The following PCDHGA3 variants were observed in gnomAD, a reference collection of about 807,000 sequenced individuals.
PCDHGA3 encodes the protein protocadherin gamma subfamily A, 3, also known as protocadherin gamma-A3.
In PCDHGA3, 40 loss-of-function variants were observed where a neutral mutation model predicts 58.5. That is an observed-to-expected ratio of 0.68 (90% confidence interval 0.53 to 0.89). The LOEUF (loss-of-function observed/expected upper bound fraction) is 0.89, where lower values mean the gene tolerates loss of function less well. PCDHGA3 is among the 40% of genes least tolerant of loss of function. The pLI, the probability that PCDHGA3 is intolerant of heterozygous loss-of-function variation, is 0.00. For synonymous variants in PCDHGA3, 530 were observed against 525.7 expected (o/e 1.01, Z -0.11); for missense variants, 1,223 against 1,195.9 (o/e 1.02, Z -0.33).
intron 1 of PCDHGA3, chr5:141,375,368 A>G (rs774708513): frequency 1.9e-6 from 3 of 1,613,754 alleles, no homozygotes; most frequent in East Asian, 4.5e-5. Context: ...GGACAAAGGA[A>G]CACCACCTCT....
chr5:141,435,396 G>A (rs562717014), intron 1 of PCDHGA3, among the ~76,000 whole-genome samples: 46 of 152,096 alleles, frequency 3.0e-4, no homozygotes, highest in African/African-American at 9.4e-4. Context: ...TTGCCATGAC[G>A]AAAAATGGTA....
intron 1 of PCDHGA3, chr5:141,371,995 C>G: frequency 1.2e-6 from 2 of 1,613,264 alleles, no homozygotes; most frequent in Non-Finnish European, 1.7e-6. Context: ...ACTCTGCAGG[C>G]CCGCGACCAG....
intron 1 of PCDHGA3, chr5:141,371,543 A>G (rs1209242275): frequency 3.1e-6 from 5 of 1,613,694 alleles, no homozygotes; most frequent in Non-Finnish European, 4.2e-6. Flanking sequence ...GAGAAATCCT[A>G]TGCCAACTAA....
At position 141,476,318 on chromosome 5, in the gene PCDHGA3, G is replaced by A. The variant is rs767809530; in HGVS notation, c.2425-18489G>A. ...TAGCCTCTCAGCCCGCAGGTTCCGG[G>A]TGGTGTCTGGAGCTAGCCGAAGATT... is the stretch of plus-strand genomic sequence containing the variant. On this transcript the variant is annotated intron_variant, in intron 1 of 3. Coordinates refer to ENST00000253812, the MANE Select transcript of PCDHGA3 (RefSeq NM_018916.4). This position sits in a 1 kb window ranked among gnomAD's most constrained non-coding sequence, Gnocchi z 7.6. The A allele has an allele frequency of 6.2e-6, 10 of 1,614,084 alleles. No homozygotes were observed. Among genetic ancestry groups the A allele is most frequent in the Non-Finnish European group, 7.6e-6 (9 of 1,180,060 alleles).
intron 1 of PCDHGA3, among the ~76,000 whole-genome samples, chr5:141,466,080 C>A (rs1186062704): frequency 6.6e-6 from 1 of 152,108 alleles, no homozygotes; most frequent in East Asian, 1.9e-4. Flanking sequence ...TGATATCATG[C>A]CACTGCACTC....
chr5:141,451,716 T>C (rs947058540), intron 1 of PCDHGA3, among the ~76,000 whole-genome samples: 1 of 152,092 alleles, frequency 6.6e-6, no homozygotes, highest in Non-Finnish European at 1.5e-5. Context: ...ACCCTGCCTC[T>C]ACTAAAAATA....
chr5:141,347,137 C>CTCTTTCTTTCTTTCTTTCTGTCTTTCTT (rs1757892625), intron 1 of PCDHGA3, among the ~76,000 whole-genome samples: 4 of 113,744 alleles, frequency 3.5e-5, no homozygotes, highest in African/African-American at 1.2e-4. Flanking sequence ...CTCTGTTTCT[C>CTCTTTCTTTCTTTCTTTCTGTCTTTCTT]TCTTTCTTTC....
At chr5:141,430,874 C>A in intron 1 of PCDHGA3, 2 of 1,598,990 alleles carry the variant, frequency 1.3e-6, no homozygotes, top group East Asian at 4.5e-5. Context: ...TCCGGAAGAG[C>A]TGGAGAAAGG....
chr5:141,397,248 T>C (rs2093496152), intron 1 of PCDHGA3, among the ~76,000 whole-genome samples: 1 of 152,168 alleles, frequency 6.6e-6, no homozygotes, highest in South Asian at 2.1e-4. Flanking sequence ...CGTAGTAGGG[T>C]ATATCATTTC....
chr5:141,431,624 G>C lies in PCDHGA3; in HGVS notation c.2425-63183G>C. The C allele has an allele frequency of 2.5e-6, 4 of 1,614,234 alleles. No individual in the cohort carries two copies. Among genetic ancestry groups the C allele is most frequent in the Non-Finnish European group, 3.4e-6 (4 of 1,180,038 alleles). On this transcript the variant is annotated intron_variant, in intron 1 of 3. Transcript: ENST00000253812. This position sits in a 1 kb window ranked among gnomAD's most constrained non-coding sequence, Gnocchi z 4.8. ...CTTCCGGTATGTGGACGACAAGGCG[G>C]CCCAAGTTTTCAAACTAGATTGTAA...
chr5:141,362,078 A>G, intron 1 of PCDHGA3: 3 of 1,612,904 alleles, frequency 1.9e-6, no homozygotes, highest in Non-Finnish European at 2.5e-6. Flanking sequence ...GCTGTGCGTG[A>G]TGGAGGACAG....
chr5:141,495,032 G>T, intron 2 of PCDHGA3, 167 bp downstream of exon 2: 1 of 967,732 alleles, frequency 1.0e-6, no homozygotes, highest in Non-Finnish European at 1.2e-6. Flanking sequence ...GACCCCGGAA[G>T]GAAGAGGCGA....
chr5:141,393,962 C>G (rs2150548263), intron 1 of PCDHGA3: 1 of 1,613,894 alleles, frequency 6.2e-7, no homozygotes, highest in Non-Finnish European at 8.5e-7. Flanking sequence ...GTCAAGTTGT[C>G]TGTTACACAC....
chr5:141,417,939 C>T, intron 1 of PCDHGA3: 1 of 1,612,862 alleles, frequency 6.2e-7, no homozygotes, highest in Non-Finnish European at 8.5e-7. Context: ...TTGTTCTACC[C>T]CACGCTGTGT....
chr5:141,372,670 A>T (rs1383646459), intron 1 of PCDHGA3: 1 of 1,614,026 alleles, frequency 6.2e-7, no homozygotes. Flanking sequence ...GCTGCCTCAC[A>T]TTCCTCAAAC....
Position 141,477,413 on chromosome 5 carries a change from G to A in PCDHGA3, c.2425-17394G>A. ...CCTCAGCATCACCGCCCGAGACGCC[G>A]GAACCCCTTCCCTCTCAGCCCTTAC... On this transcript the variant is annotated intron_variant, in intron 1 of 3. Transcript: ENST00000253812. This position sits in a 1 kb window ranked among gnomAD's most constrained non-coding sequence, Gnocchi z 4.9. 1 of 1,614,080 alleles carries A rather than the reference G, an allele frequency of 6.2e-7. No individual in the cohort carries two copies. Among genetic ancestry groups the A allele is most frequent in the Non-Finnish European group, 8.5e-7 (1 of 1,180,026 alleles).
In PCDHGA3 at chr5:141,344,597, G is replaced by C. The variant is rs199666918; in HGVS notation, c.564G>C (p.Gly188=). The change falls in exon 1 of 4, where the codon GGG becomes GGC. Residue 188 remains glycine (G), a synonymous_variant. Transcript: ENST00000253812. ...FSLAVNSVSE[G]AKYPELVLER... is the part of the protein sequence containing the mutation. ...TGGCTGTGAATAGCGTCTCTGAGGG[G>C]GCCAAGTATCCAGAGCTGGTGCTGG... 6.2e-7 allele frequency: 1 copy of C among 1,613,810 alleles called. No individual in the cohort carries two copies. Among genetic ancestry groups the C allele is most frequent in the African/African-American group, 1.3e-5 (1 of 74,892 alleles).
chr5:141,499,150 T>C (rs1424635509), intron 2 of PCDHGA3, among the ~76,000 whole-genome samples: 5 of 152,180 alleles, frequency 3.3e-5, no homozygotes, highest in Non-Finnish European at 1.5e-5. Context: ...CTGATCCCAA[T>C]AGCTGTTGTC....
intron 1 of PCDHGA3, among the ~76,000 whole-genome samples, chr5:141,474,062 C>G (rs745636246): frequency 6.6e-6 from 1 of 152,104 alleles, no homozygotes; most frequent in Non-Finnish European, 1.5e-5. Flanking sequence ...AGAGCGAGAT[C>G]CTGCCTCAGA....
Sources: allele counts gnomAD v4.1 joint callset (sites outside exome capture counted in the v4.1 genomes callset), GRCh38; gene constraint gnomAD v4.1.1; non-coding constraint Gnocchi (gnomAD v3.1); transcripts MANE v1.5; gene names NCBI Gene and HGNC (gene_info 2026-07-23, HGNC 2026-07-21).